NFAM1: variants seen among roughly 807,000 people sequenced by gnomAD.
NFAM1 encodes NFAT activation molecule 1.
In NFAM1, 17 loss-of-function variants were observed where a neutral mutation model predicts 29.0. That is an observed-to-expected ratio of 0.59 (90% CI 0.40 to 0.88). The LOEUF is 0.88. NFAM1 is among the 40% of genes least tolerant of loss of function. The pLI, the probability that NFAM1 is intolerant of heterozygous loss-of-function variation, is 0.00. For synonymous variants in NFAM1, 175 were observed against 147.2 expected (o/e 1.19, Z -1.36); for missense variants, 324 against 344.6 (o/e 0.94, Z 0.47).
chr22:42,422,923 G>T lies in NFAM1; in HGVS notation c.121+9314C>A, dbSNP rs1027986922. ...AGGTCAAGAGTTTGAGACCAGCGTGGTCAAGATGGTGAAACCCTGTCTCTA... is the reference window on the plus strand; with the variant it reads ...AGGTCAAGAGTTTGAGACCAGCGTGTTCAAGATGGTGAAACCCTGTCTCTA... On this transcript the variant is annotated intron_variant, in intron 1 of 5. Transcript: ENST00000329021. 2.0e-5 allele frequency among the ~76,000 whole-genome samples: 3 copies of T among 151,892 alleles called. No individual in the cohort carries two copies. The South Asian group carries it at 6.2e-4, about 32-fold the overall frequency.
At position 42,417,281 on chromosome 22, in the gene NFAM1, C is replaced by T. The variant is rs533038965; in HGVS notation, c.122-5545G>A. Reference sequence around the variant, plus strand: ...GGGACGCATTTGTGACTTTCGGTGACCATAGAACTTTGACTTAGAGTGACC... The same window carrying T: ...GGGACGCATTTGTGACTTTCGGTGATCATAGAACTTTGACTTAGAGTGACC... On this transcript the variant is annotated intron_variant, in intron 1 of 5. Transcript: ENST00000329021. Among the ~76,000 whole-genome samples the T allele has an allele frequency of 2.0e-5, 3 of 152,274 alleles. No individual in the cohort carries two copies. In the East Asian group the frequency reaches 5.8e-4, roughly 29 times the overall value.
In NFAM1 at chr22:42,432,397, G is replaced by T. The variant is rs1220325121; in HGVS notation, c.-40C>A. 2 of 1,506,918 alleles carry T rather than the reference G, an allele frequency of 1.3e-6. No individual in the cohort carries two copies. The highest frequency in any genetic ancestry group is 2.4e-5 in the East Asian group (1 of 41,198). 93.3% of individuals were successfully genotyped at this position (1,506,918 alleles called of 1,614,324 possible). On this transcript the variant is annotated 5_prime_UTR_variant, in exon 1 of 6. It adds an upstream start codon to the 5' untranslated region. Coordinates refer to ENST00000329021, the MANE Select transcript of NFAM1 (RefSeq NM_145912.8). ...GTCTGCGGCGACTCTTTAGTTCACA[G>T]GAGGGGACGGCCGGCGCTGACAGCT...
At chr22:42,437,141 C>CA, upstream of NFAM1, 3 of 155,266 alleles carry the variant, frequency 1.9e-5, no homozygotes, top group Non-Finnish European at 3.4e-5. Context: ...TTCTTTTTGT[C>CA]TTTTTTTTTT....
upstream of NFAM1, among the ~76,000 whole-genome samples, chr22:42,433,946 T>A (rs569662504): frequency 3.9e-4 from 60 of 152,210 alleles, no homozygotes; most frequent in Non-Finnish European, 6.2e-4. Flanking sequence ...GGTCTGTGCC[T>A]CTACAAGTCT....
chr22:42,430,014 G>A (rs1410653532), intron 1 of NFAM1, among the ~76,000 whole-genome samples: 2 of 152,136 alleles, frequency 1.3e-5, no homozygotes, highest in East Asian at 3.9e-4. Flanking sequence ...TGTAATCCCA[G>A]CACTTTGGGA....
chr22:42,428,154 C>T (rs1930683122), intron 1 of NFAM1, among the ~76,000 whole-genome samples: 1 of 152,214 alleles, frequency 6.6e-6, no homozygotes, highest in African/African-American at 2.4e-5. Flanking sequence ...CTGTGTCAGA[C>T]TTCCCCTGCC....
intron 3 of NFAM1, among the ~76,000 whole-genome samples, chr22:42,398,391 ATTAT>A (rs1297608079): frequency 9.4e-6 from 1 of 106,138 alleles, no homozygotes; most frequent in East Asian, 3.5e-4. Context: ...ATTTATTATT[ATTAT>A]TATTATTATT....
chr22:42,383,967 G>A lies in NFAM1; in HGVS notation c.*1194C>T, dbSNP rs1018202518. The A allele has an allele frequency of 6.5e-6, 1 of 152,810 alleles. No homozygotes were observed. Among genetic ancestry groups the A allele is most frequent in the African/African-American group, 2.4e-5 (1 of 41,466 alleles). 9.5% of individuals were successfully genotyped at this position (152,810 alleles called of 1,614,324 possible). ...CACGGTGCAGGGCTACTGCGAGGAG[G>A]AAATGAGGGTGATGTGGGCACCTGA... On this transcript the variant is annotated 3_prime_UTR_variant, in exon 6 of 6. Coordinates refer to ENST00000329021, the MANE Select transcript of NFAM1 (RefSeq NM_145912.8).
chr22:42,418,794 A>G (rs1930342384), intron 1 of NFAM1, among the ~76,000 whole-genome samples: 1 of 152,074 alleles, frequency 6.6e-6, no homozygotes, highest in Non-Finnish European at 1.5e-5. Flanking sequence ...CAGGCACAGA[A>G]GGACCCCCAG....
chr22:42,433,904 T>C (rs1930878682), upstream of NFAM1, among the ~76,000 whole-genome samples: 1 of 152,108 alleles, frequency 6.6e-6, no homozygotes, highest in South Asian at 2.1e-4. Flanking sequence ...TGTCAATGCC[T>C]CAGGGTACAC....
intron 3 of NFAM1, among the ~76,000 whole-genome samples, 171 bp from the exon 4 acceptor site, chr22:42,398,127 G>T (rs1929594868): frequency 6.6e-6 from 1 of 152,214 alleles, no homozygotes; most frequent in East Asian, 1.9e-4. Context: ...TACAAGACCT[G>T]CATCAAGCCA....
At chr22:42,408,705 G>T (rs887837770) in intron 3 of NFAM1, among the ~76,000 whole-genome samples, 2 of 152,168 alleles carry the variant, frequency 1.3e-5, no homozygotes, top group Non-Finnish European at 2.9e-5. Flanking sequence ...GGCCAGCATC[G>T]AACAGGAATC....
chr22:42,413,041 C>T (rs1369752284), intron 1 of NFAM1, among the ~76,000 whole-genome samples: 2 of 152,186 alleles, frequency 1.3e-5, no homozygotes, highest in African/African-American at 4.8e-5. Context: ...GGGCAGCAGC[C>T]GCCCCCTGCC....
upstream of NFAM1, chr22:42,432,461 C>G: frequency 7.0e-7 from 1 of 1,431,086 alleles, no homozygotes; most frequent in Non-Finnish European, 9.2e-7. Context: ...CCCTGGCAGC[C>G]CCTGACCTTC....
Position 42,432,320 on chromosome 22 carries a change from C to A in NFAM1, c.38G>T (p.Gly13Val). ...GGGGAGCCCAGGAGGGCGTGGGAGGCCTGGCAGGGCCCGCCACCTCACAGG... is the reference window on the plus strand; with the variant it reads ...GGGGAGCCCAGGAGGGCGTGGGAGGACTGGCAGGGCCCGCCACCTCACAGG... Reference protein sequence around the residue: ...NQPVRWRALPGLPRPPGLPAA... With the variant: ...NQPVRWRALPVLPRPPGLPAA... The change falls in exon 1 of 6, where the codon GGC becomes GTC. Residue 13 changes from glycine to valine, a missense_variant. Gly to Val is a moderately radical substitution (Grantham distance 109, BLOSUM62 -3). Coordinates refer to ENST00000329021, the MANE Select transcript of NFAM1 (RefSeq NM_145912.8). The A allele has an allele frequency of 6.3e-7, 1 of 1,576,384 alleles. No individual in the cohort carries two copies. The highest frequency in any genetic ancestry group is 1.3e-5 in the African/African-American group (1 of 74,152).
At position 42,425,957 on chromosome 22, in the gene NFAM1, AG is replaced by A. The variant is rs1181527639; in HGVS notation, c.121+6279del. 3.3e-5 allele frequency among the ~76,000 whole-genome samples: 5 copies of A among 151,194 alleles called. No homozygotes were observed. The East Asian group carries it at 7.9e-4, about 24-fold the overall frequency. ...TTGTTCAGGGTGGGGAAGGGGCCAG[AG>A]GGGGTACTACAGAAGAGCCTATGAG... On this transcript the variant is annotated intron_variant, in intron 1 of 5. Transcript: ENST00000329021.
At chr22:42,414,243 C>G (rs1354795263) in intron 1 of NFAM1, among the ~76,000 whole-genome samples, 3 of 152,172 alleles carry the variant, frequency 2.0e-5, no homozygotes, top group African/African-American at 7.2e-5. Context: ...CCCTCCAGGG[C>G]TCCCCTCTGG....
At chr22:42,390,674 G>A (rs552341648) in intron 4 of NFAM1, among the ~76,000 whole-genome samples, 28 of 152,146 alleles carry the variant, frequency 1.8e-4, no homozygotes, top group South Asian at 1.0e-3. Flanking sequence ...AAAATTAGCC[G>A]GGCGTGGTGA....
At chr22:42,406,185 C>T (rs1047057912) in intron 3 of NFAM1, among the ~76,000 whole-genome samples, 2 of 133,700 alleles carry the variant, frequency 1.5e-5, no homozygotes. Context: ...TCGCGCCTCA[C>T]CCCCCGAGGG....
Sources: gnomAD v4.1 joint callset for allele counts (sites outside exome capture counted in the v4.1 genomes callset) on GRCh38, gnomAD v4.1.1 for gene constraint, MANE v1.5 for transcripts, NCBI Gene and HGNC (gene_info 2026-07-23, HGNC 2026-07-21) for gene names.